Variants in CUL1 observed in about 807,000 individuals in gnomAD.
CUL1 encodes cullin-1.
A neutral mutation model predicts 118.0 loss-of-function variants in CUL1; 24 were observed. That is an observed-to-expected ratio of 0.20 (90% CI 0.15 to 0.29). CUL1 has a LOEUF of 0.29. Ranked by LOEUF, CUL1 falls within the 10% of genes least tolerant of loss-of-function variation. The probability of loss-of-function intolerance (pLI) is 1.00; values close to 1 mark genes in which losing one functional copy is unlikely to be tolerated. For synonymous variants in CUL1, 332 were observed against 340.4 expected (o/e 0.98, Z 0.27); for missense variants, 361 against 933.8 (o/e 0.39, Z 7.99).
chr7:148,780,125 A>G (rs78958247), intron 9 of CUL1, among the ~76,000 whole-genome samples: 2 of 138,564 alleles, frequency 1.4e-5, no homozygotes, highest in African/African-American at 5.5e-5. Flanking sequence ...ATATATATAT[A>G]TCTCCTGTTA....
chr7:148,732,903 A>C lies in CUL1; in HGVS notation c.140+2641A>C, dbSNP rs1798810260. On this transcript the variant is annotated intron_variant, in intron 2 of 21. Transcript: ENST00000325222. ...TCCATATATTTACAAAAAATTGGAG[A>C]ATCTAAACCAAGTCTAAAATATCTT... Among the ~76,000 whole-genome samples, 4 of 152,118 alleles carry C rather than the reference A, an allele frequency of 2.6e-5. No individual in the cohort carries two copies. In the South Asian group the frequency reaches 8.3e-4, roughly 32 times the overall value.
At position 148,790,238 on chromosome 7, in the gene CUL1, G is replaced by A. The variant is rs1584820712; in HGVS notation, c.1675-72G>A. ...TTGTACTGTAAGCTTGGAACAGTGGGCTTTACTTAGAAACGCTGCCTGTAG... is the reference window on the plus strand; with the variant it reads ...TTGTACTGTAAGCTTGGAACAGTGGACTTTACTTAGAAACGCTGCCTGTAG... On this transcript the variant is annotated intron_variant, in intron 15 of 21. Coordinates refer to ENST00000325222, the MANE Select transcript of CUL1 (RefSeq NM_003592.3). The A allele has an allele frequency of 6.6e-6, 10 of 1,517,582 alleles. No individual in the cohort carries two copies. The East Asian group carries it at 2.3e-4, about 34-fold the overall frequency. The allele number at this position is 1,517,582 out of a possible 1,614,324, so 94.0% of individuals were successfully genotyped here. A position where few individuals can be genotyped will look rare whatever the true frequency, so the allele number is the denominator to read the frequency against.
At chr7:148,772,971 T>A (rs1040448788) in intron 9 of CUL1, among the ~76,000 whole-genome samples, 2 of 152,100 alleles carry the variant, frequency 1.3e-5, no homozygotes, top group Admixed American at 6.6e-5. Context: ...TACTGTTTTC[T>A]ATGCATTTTC....
intron 1 of CUL1, among the ~76,000 whole-genome samples, chr7:148,712,184 G>A (rs545073128): frequency 2.6e-5 from 4 of 152,302 alleles, no homozygotes; most frequent in East Asian, 1.9e-4. Flanking sequence ...CTCCAGTAGC[G>A]GCTTTTCCAA....
chr7:148,748,389 A>G (rs762272239), intron 2 of CUL1, among the ~76,000 whole-genome samples: 4 of 152,256 alleles, frequency 2.6e-5, no homozygotes, highest in Non-Finnish European at 5.9e-5. Context: ...AAGGTATAAT[A>G]ATGTCAGATA....
At chr7:148,730,383 A>G in intron 2 of CUL1, 121 bp downstream of exon 2, 1 of 1,194,842 alleles carries the variant, frequency 8.4e-7, no homozygotes, top group Non-Finnish European at 1.1e-6. Flanking sequence ...AAATAATCGC[A>G]GGGTTCATTT....
At chr7:148,788,767 G>C in intron 14 of CUL1, 93 bp downstream of exon 14, 17 of 802,580 alleles carry the variant, frequency 2.1e-5, no homozygotes, top group Non-Finnish European at 3.3e-5. Context: ...GATGGGAGGG[G>C]CTTTGTCAGA....
At position 148,765,239 on chromosome 7, in the gene CUL1, C is replaced by T. The variant is rs1020203195; in HGVS notation, c.790-1322C>T. The stretch of plus-strand genomic sequence containing the variant: ...TATTAGTTCTTGATAGTACAAGTCC[C>T]GCCTAATCATTTTTTCATTTTATTT... On this transcript the variant is annotated intron_variant, in intron 7 of 21. Transcript: ENST00000325222. Among the ~76,000 whole-genome samples, 6 of 152,226 alleles carry T rather than the reference C, an allele frequency of 3.9e-5. No individual in the cohort carries two copies. The South Asian group carries it at 1.2e-3, about 32-fold the overall frequency.
chr7:148,783,897 G>A lies in CUL1; in HGVS notation c.1191+7G>A, dbSNP rs745753972. Reference sequence around the variant, plus strand: ...TGTGGCTGCTCTTGATAAGGTAGGTGCGTGAGGGTTGTGACTTGCCTGTAG... The same window carrying A: ...TGTGGCTGCTCTTGATAAGGTAGGTACGTGAGGGTTGTGACTTGCCTGTAG... On this transcript the variant is annotated splice_region_variant and intron_variant, in intron 10 of 21. Transcript: ENST00000325222. The A allele has an allele frequency of 1.2e-6, 2 of 1,613,998 alleles. No individual in the cohort carries two copies. The highest frequency in any genetic ancestry group is 1.7e-6 in the Non-Finnish European group (2 of 1,179,876).
chr7:148,790,525 C>T, intron 16 of CUL1, 84 bp downstream of exon 16: 1 of 1,205,580 alleles, frequency 8.3e-7, no homozygotes. Flanking sequence ...GCTGACTCAG[C>T]AGCAGAATCT....
intron 1 of CUL1, among the ~76,000 whole-genome samples, chr7:148,713,135 T>C (rs1163700258): frequency 1.3e-5 from 2 of 152,114 alleles, no homozygotes; most frequent in Non-Finnish European, 1.5e-5. Context: ...CATGATCAAA[T>C]GTAATACCGT....
chr7:148,699,542 G>A (rs1797646075), intron 1 of CUL1, among the ~76,000 whole-genome samples: 1 of 152,156 alleles, frequency 6.6e-6, no homozygotes, highest in South Asian at 2.1e-4. Flanking sequence ...TCCCCTGTGA[G>A]CTCTGGGCTC....
intron 9 of CUL1, among the ~76,000 whole-genome samples, chr7:148,779,828 C>T (rs892995172): frequency 6.6e-6 from 1 of 152,140 alleles, no homozygotes; most frequent in Non-Finnish European, 1.5e-5. Flanking sequence ...AGGAGATTAG[C>T]ATTTGAGTCA....
intron 12 of CUL1, 87 bp from the exon 13 acceptor site, chr7:148,786,902 T>C: frequency 1.3e-6 from 2 of 1,525,456 alleles, no homozygotes; most frequent in Non-Finnish European, 1.8e-6. Flanking sequence ...ACATCTTGGC[T>C]CCTGGCTTGT....
chr7:148,742,271 C>T (rs1054206144), intron 2 of CUL1, among the ~76,000 whole-genome samples: 1 of 152,134 alleles, frequency 6.6e-6, no homozygotes, highest in Non-Finnish European at 1.5e-5. Flanking sequence ...TTAACGGACT[C>T]AGAGTTCCAC....
intron 3 of CUL1, among the ~76,000 whole-genome samples, chr7:148,756,421 C>T (rs751972721): frequency 2.0e-5 from 3 of 152,038 alleles, no homozygotes; most frequent in East Asian, 1.9e-4. Flanking sequence ...CTGCAACCTC[C>T]GCCTCCTGGG....
At chr7:148,738,973 C>G (rs1227242546) in intron 2 of CUL1, among the ~76,000 whole-genome samples, 3 of 152,094 alleles carry the variant, frequency 2.0e-5, no homozygotes, top group Non-Finnish European at 4.4e-5. Flanking sequence ...GCGGTGGGTT[C>G]AGGGAGCAGC....
Position 148,759,630 on chromosome 7 carries a change from A to G in CUL1, c.617A>G (p.Gln206Arg). ...ACAAGATTGATTAGTGGAGTTGTAC[A>G]GTCTTACGGTAAATAATTTCCCTTT... ...INTRLISGVV[Q>R]SYVELGLNED... The change falls in exon 6 of 22, where the codon CAG becomes CGG. Residue 206 changes from glutamine to arginine, a missense_variant. This residue lies in a region of CUL1 where 169 missense variants were observed against 429.7 expected (regional missense o/e 0.39). Transcript: ENST00000325222. 1.3e-6 allele frequency: 2 copies of G among 1,579,768 alleles called. No individual in the cohort carries two copies. The highest frequency in any genetic ancestry group is 1.7e-6 in the Non-Finnish European group (2 of 1,161,924).
intron 16 of CUL1, 109 bp downstream of exon 16, chr7:148,790,550 G>C: frequency 1.1e-6 from 1 of 949,538 alleles, no homozygotes; most frequent in Non-Finnish European, 1.6e-6. Context: ...TTCAGCTTCT[G>C]GTGAAATAGT....
Sources: allele counts gnomAD v4.1 joint callset (sites outside exome capture counted in the v4.1 genomes callset), GRCh38; gene constraint gnomAD v4.1.1; regional missense constraint gnomAD v4.1.1; transcripts MANE v1.5; gene names NCBI Gene and HGNC (gene_info 2026-07-23, HGNC 2026-07-21).